Variants in KCNIP4 observed in about 807,000 individuals in gnomAD.
The protein encoded by KCNIP4 is Kv channel-interacting protein 4.
KCNIP4 carries 12 observed loss-of-function variants against 34.0 expected under a neutral mutation model. That is an observed-to-expected ratio of 0.35 (90% confidence interval 0.23 to 0.57). KCNIP4 has a LOEUF of 0.57. Among genes scored for constraint, KCNIP4 ranks in the 20% least tolerant of loss-of-function variants. The pLI is 0.83. For synonymous variants in KCNIP4, 124 were observed against 102.2 expected (o/e 1.21, Z -1.29); for missense variants, 238 against 311.7 (o/e 0.76, Z 1.78).
intron 1 of KCNIP4, among the ~76,000 whole-genome samples, chr4:21,204,414 A>T (rs905257480): frequency 1.3e-5 from 2 of 152,150 alleles, no homozygotes; most frequent in African/African-American, 4.8e-5. Flanking sequence ...GTTTTTTTGT[A>T]GGTCAAAGGG....
intron 1 of KCNIP4, among the ~76,000 whole-genome samples, chr4:21,015,657 TATTAATATAATATAATATAGTATATTGC>T (rs1168524478): frequency 0.025 from 1,708 of 68,886 alleles, 10 homozygotes; most frequent in African/African-American, 0.13. Flanking sequence ...TAGTATATTG[TATTAATATAATATAATATAGTATATTGC>T]ATTAATATAA....
chr4:20,838,469 T>C (rs1719329624), intron 3 of KCNIP4, among the ~76,000 whole-genome samples: 1 of 152,220 alleles, frequency 6.6e-6, no homozygotes, highest in African/African-American at 2.4e-5. Context: ...TTTGCATTTA[T>C]ATACTGATAT....
intron 2 of KCNIP4, among the ~76,000 whole-genome samples, chr4:20,880,833 G>A (rs1329957274): frequency 6.6e-6 from 1 of 152,098 alleles, no homozygotes; most frequent in Non-Finnish European, 1.5e-5. Context: ...TAGGGCTCTG[G>A]CATTTTTCTA....
At chr4:21,568,657 G>C (rs1444885017) in intron 1 of KCNIP4, among the ~76,000 whole-genome samples, 2 of 152,130 alleles carry the variant, frequency 1.3e-5, no homozygotes, top group Admixed American at 1.3e-4. Flanking sequence ...TTCTTCAGCT[G>C]TTGGACTCTT....
At chr4:21,242,224 G>C (rs114566102) in intron 1 of KCNIP4, among the ~76,000 whole-genome samples, 3,060 of 150,448 alleles carry the variant, frequency 0.02, 49 homozygotes, top group Non-Finnish European at 0.03. Context: ...CAGGGTTGTT[G>C]GGAGGGCCAA....
intron 2 of KCNIP4, among the ~76,000 whole-genome samples, chr4:20,868,223 G>A (rs1186063928): frequency 1.3e-5 from 2 of 151,948 alleles, no homozygotes; most frequent in Non-Finnish European, 2.9e-5. Context: ...AGACACAGAG[G>A]TGGCCAACAA....
At chr4:21,917,238 G>A (rs1253795707) in intron 1 of KCNIP4, among the ~76,000 whole-genome samples, 3 of 152,004 alleles carry the variant, frequency 2.0e-5, no homozygotes, top group Non-Finnish European at 2.9e-5. Context: ...GGGTTCACAC[G>A]ATTCTCCTGC....
At chr4:21,707,370 G>T (rs1713362199) in intron 1 of KCNIP4, among the ~76,000 whole-genome samples, 1 of 152,114 alleles carries the variant, frequency 6.6e-6, no homozygotes, top group African/African-American at 2.4e-5. Flanking sequence ...ATCCTGGAGG[G>T]CCGAAGAAGT....
intron 1 of KCNIP4, among the ~76,000 whole-genome samples, chr4:21,172,103 C>A (rs1374565657): frequency 6.6e-6 from 1 of 152,180 alleles, no homozygotes; most frequent in African/African-American, 2.4e-5. Flanking sequence ...TCTTGGCTCA[C>A]TGCAACCTCT....
At chr4:20,830,090 A>G (rs1005512843) in intron 3 of KCNIP4, among the ~76,000 whole-genome samples, 1 of 152,144 alleles carries the variant, frequency 6.6e-6, no homozygotes, top group Admixed American at 6.5e-5. Flanking sequence ...GCTTTAGTCA[A>G]AAAGGTCAGA....
intron 1 of KCNIP4, among the ~76,000 whole-genome samples, chr4:21,564,372 C>G (rs1412446137): frequency 2.0e-5 from 3 of 152,106 alleles, no homozygotes; most frequent in Non-Finnish European, 4.4e-5. Flanking sequence ...CCAACACCCA[C>G]TCCTCAATGG....
intron 1 of KCNIP4, among the ~76,000 whole-genome samples, chr4:21,122,303 T>G (rs1750230719): frequency 6.6e-6 from 1 of 151,924 alleles, no homozygotes; most frequent in Admixed American, 6.6e-5. Context: ...GTGGGGCTAA[T>G]TTTTGCAGAT....
intron 1 of KCNIP4, among the ~76,000 whole-genome samples, chr4:21,078,896 C>T (rs887645847): frequency 3.3e-5 from 5 of 152,100 alleles, no homozygotes; most frequent in Non-Finnish European, 7.4e-5. Context: ...GGGAGAGTGA[C>T]TCTTCTGTCT....
intron 1 of KCNIP4, among the ~76,000 whole-genome samples, chr4:20,999,862 T>G (rs1483750131): frequency 6.6e-6 from 1 of 152,196 alleles, no homozygotes; most frequent in African/African-American, 2.4e-5. Context: ...TAACAAAGTG[T>G]GCAAAGCTCT....
chr4:21,059,249 C>T (rs115625182), intron 1 of KCNIP4, among the ~76,000 whole-genome samples: 1,766 of 152,166 alleles, frequency 0.012, 39 homozygotes, highest in African/African-American at 0.04. Flanking sequence ...TAAAAATATC[C>T]GACTTTTTCC....
At chr4:21,259,993 GTT>G (rs1761360263) in intron 1 of KCNIP4, among the ~76,000 whole-genome samples, 1 of 151,846 alleles carries the variant, frequency 6.6e-6, no homozygotes, top group Non-Finnish European at 1.5e-5. Flanking sequence ...CTGTGTGATT[GTT>G]TCTTATCAGA....
intron 1 of KCNIP4, among the ~76,000 whole-genome samples, chr4:21,759,512 A>G (rs1371769189): frequency 6.6e-6 from 1 of 152,198 alleles, no homozygotes; most frequent in Non-Finnish European, 1.5e-5. Context: ...CTAGAACCTA[A>G]GAACAGTAAT....
At chr4:20,848,814 A>T (rs553527574) in intron 3 of KCNIP4, among the ~76,000 whole-genome samples, 25 of 152,298 alleles carry the variant, frequency 1.6e-4, no homozygotes, top group African/African-American at 5.8e-4. Context: ...AAAGAAAAAA[A>T]AAGTCTGCTT....
chr4:20,804,185 G>A (rs1237139476), intron 3 of KCNIP4, among the ~76,000 whole-genome samples: 1 of 152,100 alleles, frequency 6.6e-6, no homozygotes, highest in Non-Finnish European at 1.5e-5. Flanking sequence ...TATGGTAAGT[G>A]CATCAGATAG....
Sources: gnomAD v4.1 joint callset for allele counts (sites outside exome capture counted in the v4.1 genomes callset) on GRCh38, gnomAD v4.1.1 for gene constraint, MANE v1.5 for transcripts, NCBI Gene and HGNC (gene_info 2026-07-23, HGNC 2026-07-21) for gene names.